The following FASTKD1 variants were observed in gnomAD, a reference collection of about 807,000 sequenced individuals.
FASTKD1 encodes FAST kinase domain-containing protein 1, mitochondrial.
A neutral mutation model predicts 90.9 loss-of-function variants in FASTKD1; 94 were observed. That is an observed-to-expected ratio of 1.03 (90% CI 0.88 to 1.23). The LOEUF (loss-of-function observed/expected upper bound fraction) is 1.23. Among genes scored for constraint, FASTKD1 ranks in the 50% most tolerant of loss-of-function variants. FASTKD1 has a pLI of 0.00. For synonymous variants in FASTKD1, 319 were observed against 345.8 expected, an observed-to-expected ratio of 0.92 and a Z score of 0.86; for missense variants, 945 against 993.5, an observed-to-expected ratio of 0.95 and a Z score of 0.66.
chr2:169,548,009 CAAAACA>C (rs1356342165), intron 7 of FASTKD1, among the ~76,000 whole-genome samples: 10 of 67,762 alleles, frequency 1.5e-4, no homozygotes, highest in Non-Finnish European at 2.6e-4. Context: ...AAAAAAAAAA[CAAAACA>C]AAAACAAAAA....
chr2:169,553,271 C>CAA (rs374454211), intron 7 of FASTKD1, among the ~76,000 whole-genome samples: 1,499 of 79,158 alleles, frequency 0.019, 110 homozygotes, highest in African/African-American at 0.041. Context: ...TAAAAGCATG[C>CAA]AAAAAAAAAA....
intron 3 of FASTKD1, among the ~76,000 whole-genome samples, chr2:169,565,049 G>T (rs1347306706): frequency 6.9e-6 from 1 of 144,886 alleles, no homozygotes; most frequent in Non-Finnish European, 1.5e-5. Context: ...CCGCCTCCCA[G>T]GTTCAAACAA....
At chr2:169,530,476 TA>T in intron 14 of FASTKD1, 110 bp downstream of exon 14, 1 of 676,556 alleles carries the variant, frequency 1.5e-6, no homozygotes, top group Non-Finnish European at 2.5e-6. Flanking sequence ...TGATACATTT[TA>T]AAAAATATAT....
chr2:169,563,408 AATAT>A, intron 3 of FASTKD1, 58 bp from the exon 4 acceptor site: 2 of 1,206,910 alleles, frequency 1.7e-6, no homozygotes, highest in Non-Finnish European at 2.3e-6. Context: ...TAAAACACAT[AATAT>A]ATAGTTATAA....
chr2:169,534,642 A>G (rs1684651686), intron 12 of FASTKD1, among the ~76,000 whole-genome samples: 1 of 151,770 alleles, frequency 6.6e-6, no homozygotes, highest in Non-Finnish European at 1.5e-5. Flanking sequence ...TATATTTAGT[A>G]GAGATGGGGT....
chr2:169,565,099 C>A (rs1242478009), intron 3 of FASTKD1, among the ~76,000 whole-genome samples: 7 of 150,972 alleles, frequency 4.6e-5, no homozygotes, highest in Non-Finnish European at 8.9e-5. Context: ...GGATTACAGG[C>A]ATGCACCACC....
intron 4 of FASTKD1, among the ~76,000 whole-genome samples, chr2:169,562,525 G>A (rs1373979849): frequency 6.6e-6 from 1 of 152,030 alleles, no homozygotes; most frequent in African/African-American, 2.4e-5. Flanking sequence ...GATCCACCAT[G>A]CCTGGCCAAT....
chr2:169,537,012 T>C (rs76755259), intron 12 of FASTKD1: 27,046 of 283,006 alleles, frequency 0.096, 1,765 homozygotes, highest in East Asian at 0.26. Flanking sequence ...TTTTTTTTTT[T>C]CTAAAGAATA....
rs1684362934 is a variant in FASTKD1, at chr2:169,528,793, T to G, written c.*1032A>C. 6.6e-6 allele frequency among the ~76,000 whole-genome samples: 1 copy of G among 152,180 alleles called. No homozygotes were observed. Among genetic ancestry groups the G allele is most frequent in the African/African-American group, 2.4e-5 (1 of 41,454 alleles). On this transcript the variant is annotated 3_prime_UTR_variant, in exon 15 of 15. Transcript: ENST00000453153. The stretch of plus-strand genomic sequence containing the variant: ...CATCTTTCCTGACCTATCAGCAGCA[T>G]CTGATACAACTACTCACCTCCCCCT...
intron 3 of FASTKD1, among the ~76,000 whole-genome samples, chr2:169,564,069 T>A (rs1205892723): frequency 6.6e-6 from 1 of 152,172 alleles, no homozygotes; most frequent in Non-Finnish European, 1.5e-5. Context: ...CTTATCTTGG[T>A]GCTGTTACAT....
intron 14 of FASTKD1, among the ~76,000 whole-genome samples, chr2:169,530,302 T>C (rs1297962928): frequency 6.6e-6 from 1 of 152,094 alleles, no homozygotes; most frequent in East Asian, 1.9e-4. Context: ...ACAACTTTTA[T>C]TTATTTATTT....
chr2:169,570,946 G>C (rs1280646376), intron 2 of FASTKD1: 1 of 152,162 alleles, frequency 6.6e-6, no homozygotes, highest in African/African-American at 2.4e-5. Context: ...AAAGTGCTGG[G>C]ATTACAAGTG....
intron 12 of FASTKD1, among the ~76,000 whole-genome samples, chr2:169,534,453 TTTTTTTTTTC>T (rs1467355475): frequency 1.5e-4 from 23 of 148,818 alleles, no homozygotes; most frequent in Non-Finnish European, 2.7e-4. Context: ...TTCTGTTGTT[TTTTTTTTTTC>T]TTTTTTTTTT....
In FASTKD1 at chr2:169,562,894, A is replaced by C. The variant is rs1229682654; in HGVS notation, c.572+331T>G. 1.3e-5 allele frequency among the ~76,000 whole-genome samples: 2 copies of C among 152,308 alleles called. 1 individual carries two copies. Among genetic ancestry groups the C allele is most frequent in the South Asian group, 4.1e-4 (2 of 4,828 alleles). ...TGCTACTGCTATTGCTATAAAAAAC[A>C]AAGTCCTCTCTCTGACCTCGGAGTC... On this transcript the variant is annotated intron_variant, in intron 4 of 14. Coordinates refer to ENST00000453153, the MANE Select transcript of FASTKD1 (RefSeq NM_024622.6).
At chr2:169,548,007 AAC>A (rs71003098) in intron 7 of FASTKD1, among the ~76,000 whole-genome samples, 3,763 of 148,610 alleles carry the variant, frequency 0.025, 58 homozygotes, top group East Asian at 0.11. Flanking sequence ...AAAAAAAAAA[AAC>A]AAAACAAAAA....
chr2:169,562,458 C>A (rs1299575574), intron 4 of FASTKD1, among the ~76,000 whole-genome samples: 1 of 152,078 alleles, frequency 6.6e-6, no homozygotes, highest in Non-Finnish European at 1.5e-5. Flanking sequence ...GTCTCGAACT[C>A]CTGACATCAA....
intron 7 of FASTKD1, among the ~76,000 whole-genome samples, chr2:169,551,608 G>A (rs1032351759): frequency 2.6e-5 from 4 of 151,980 alleles, no homozygotes; most frequent in Non-Finnish European, 5.9e-5. Context: ...ACCAGCCTGG[G>A]CAACATGGCA....
intron 12 of FASTKD1, chr2:169,536,927 G>T: frequency 4.3e-6 from 1 of 231,258 alleles, no homozygotes; most frequent in Admixed American, 5.6e-5. Context: ...AGAATCTTTT[G>T]AAGATCCAGA....
At chr2:169,570,701 C>T (rs1217218274) in intron 2 of FASTKD1, among the ~76,000 whole-genome samples, 1 of 137,074 alleles carries the variant, frequency 7.3e-6, no homozygotes. Flanking sequence ...TTGGAGACAG[C>T]GTCTCACTCT....
Sources: allele counts gnomAD v4.1 joint callset (sites outside exome capture counted in the v4.1 genomes callset), GRCh38; gene constraint gnomAD v4.1.1; transcripts MANE v1.5; gene names NCBI Gene and HGNC (gene_info 2026-07-23, HGNC 2026-07-21).